The following SUSD3 variants were observed in gnomAD, a reference collection of about 807,000 sequenced individuals.
SUSD3 encodes sushi domain containing 3.
A neutral mutation model predicts 20.6 loss-of-function variants in SUSD3; 18 were observed. The ratio of observed to expected loss-of-function variants is 0.87; its 90% CI spans 0.60 to 1.30. SUSD3 has a LOEUF of 1.30. Ranked by LOEUF, SUSD3 falls within the 50% of genes most tolerant of loss-of-function variation. The pLI is 0.00. For synonymous variants in SUSD3, 137 were observed against 141.5 expected (o/e 0.97, Z 0.23); for missense variants, 306 against 346.9 (o/e 0.88, Z 0.94).
intron 1 of SUSD3, among the ~76,000 whole-genome samples, chr9:93,072,381 G>A (rs1825946160): frequency 1.3e-5 from 2 of 152,192 alleles, no homozygotes; most frequent in South Asian, 4.1e-4. Flanking sequence ...TGCTGCTGGG[G>A]AGTGGGTCAA....
intron 1 of SUSD3, among the ~76,000 whole-genome samples, chr9:93,068,942 A>T (rs981377486): frequency 2.0e-5 from 3 of 152,236 alleles, no homozygotes; most frequent in Non-Finnish European, 4.4e-5. Context: ...TGAAAGATTA[A>T]TGATAACCAG....
intron 1 of SUSD3, among the ~76,000 whole-genome samples, chr9:93,066,122 A>T (rs910723697): frequency 5.3e-5 from 8 of 151,638 alleles, no homozygotes; most frequent in Admixed American, 2.6e-4. Context: ...GGCCCTCCCC[A>T]CTCTGTGTAC....
chr9:93,058,765 T>G lies in SUSD3; in HGVS notation c.23T>G (p.Leu8Arg). 2 of 1,236,938 alleles carry G rather than the reference T, an allele frequency of 1.6e-6. No individual in the cohort carries two copies. The highest frequency in any genetic ancestry group is 2.0e-6 in the Non-Finnish European group (2 of 990,278). 76.6% of individuals were successfully genotyped at this position (1,236,938 alleles called of 1,614,324 possible). MRWAAAT[L>R]RGKARPRGRA... is the part of the protein sequence containing the mutation. ...AGGATGCGCTGGGCGGCCGCCACCC[T>G]CCGTGGCAAGGCGAGGCCCCGGGGG... Residue 8 changes from leucine (L) to arginine (R), a missense_variant, in exon 1 of 5, where the codon CTC (leucine) becomes CGC (arginine). Leu to Arg is a moderately radical substitution (Grantham distance 102). Coordinates refer to ENST00000375472, the MANE Select transcript of SUSD3 (RefSeq NM_145006.4).
intron 2 of SUSD3, 52 bp downstream of exon 2, chr9:93,076,024 A>G (rs773768548): frequency 6.7e-7 from 1 of 1,484,090 alleles, no homozygotes; most frequent in Non-Finnish European, 9.2e-7. Flanking sequence ...GATGGCCCCA[A>G]ATCCTGTCAT....
intron 3 of SUSD3, among the ~76,000 whole-genome samples, chr9:93,079,003 C>T (rs1231587909): frequency 6.6e-6 from 1 of 151,860 alleles, no homozygotes; most frequent in Admixed American, 6.6e-5. Flanking sequence ...GGGGTTTCAC[C>T]GTGTTAGCCA....
intron 3 of SUSD3, 88 bp downstream of exon 3, chr9:93,078,081 C>G: frequency 6.4e-7 from 1 of 1,565,062 alleles, no homozygotes; most frequent in Non-Finnish European, 8.7e-7. Flanking sequence ...TTCAAGGGAA[C>G]CCCGGCACTG....
intron 1 of SUSD3, among the ~76,000 whole-genome samples, chr9:93,063,944 C>T (rs990346353): frequency 6.6e-6 from 1 of 152,156 alleles, no homozygotes; most frequent in Non-Finnish European, 1.5e-5. Flanking sequence ...TATTCCAAAT[C>T]GTTCTATACT....
intron 1 of SUSD3, 73 bp from the exon 2 acceptor site, chr9:93,075,711 G>T: frequency 1.1e-6 from 1 of 916,426 alleles, no homozygotes; most frequent in East Asian, 3.2e-5. Context: ...CTCACTCCAG[G>T]GTCCTGCCCA....
chr9:93,070,010 C>G (rs990814699), intron 1 of SUSD3, among the ~76,000 whole-genome samples: 3 of 152,130 alleles, frequency 2.0e-5, no homozygotes, highest in African/African-American at 7.2e-5. Flanking sequence ...AACTCCTGAC[C>G]TCAAGTGATC....
chr9:93,078,301 G>GGCGACAGAGTACAGTA (rs1333547073), intron 3 of SUSD3, among the ~76,000 whole-genome samples: 2 of 152,134 alleles, frequency 1.3e-5, no homozygotes, highest in Non-Finnish European at 2.9e-5. Flanking sequence ...CTGTCACCCA[G>GGCGACAGAGTACAGTA]GCGACAGAGT....
chr9:93,070,044 G>C (rs1289056857), intron 1 of SUSD3, among the ~76,000 whole-genome samples: 1 of 152,268 alleles, frequency 6.6e-6, no homozygotes, highest in East Asian at 1.9e-4. Context: ...CTCCCAAAGT[G>C]CTGGGATTAC....
chr9:93,075,739 C>A, intron 1 of SUSD3, 45 bp from the exon 2 acceptor site: 1 of 186,002 alleles, frequency 5.4e-6, no homozygotes, highest in Admixed American at 8.2e-5. Flanking sequence ...CCTGCGTGCC[C>A]ACCCCCCCCC....
intron 3 of SUSD3, 140 bp from the exon 4 acceptor site, chr9:93,079,331 C>A: frequency 1.1e-6 from 1 of 874,210 alleles, no homozygotes; most frequent in Non-Finnish European, 1.7e-6. Flanking sequence ...CCAAAAACAT[C>A]CACTGCCCAG....
rs966981605 is a variant in SUSD3 at position 93,075,904 on chromosome 9, C to A, written c.209C>A (p.Ser70Tyr). ...CCCTCCAACCACCAGATGGTGGGGTCTGGGCTCCTCACCTGCACCTGGAAG... is the reference window on the plus strand; with the variant it reads ...CCCTCCAACCACCAGATGGTGGGGTATGGGCTCCTCACCTGCACCTGGAAG... ...RCPSNHQMVG[S>Y]GLLTCTWKGS... The change falls in exon 2 of 5, where the codon TCT becomes TAT. Residue 70 changes from serine (S) to tyrosine (Y), a missense_variant. Physicochemically the swap from Ser to Tyr is moderately radical, Grantham distance 144 (BLOSUM62 -2). Coordinates refer to ENST00000375472, the MANE Select transcript of SUSD3 (RefSeq NM_145006.4). 3 of 1,613,882 alleles carry A rather than the reference C, an allele frequency of 1.9e-6. No homozygotes were observed. The highest frequency in any genetic ancestry group is 1.7e-6 in the Non-Finnish European group (2 of 1,179,952).
chr9:93,060,772 G>T (rs922040533), intron 1 of SUSD3, among the ~76,000 whole-genome samples: 2 of 152,208 alleles, frequency 1.3e-5, no homozygotes, highest in African/African-American at 4.8e-5. Context: ...CAGAGTTCGA[G>T]GCTACAGTGA....
At chr9:93,075,735 T>TTCTCC in intron 1 of SUSD3, 49 bp from the exon 2 acceptor site, 1 of 247,428 alleles carries the variant, frequency 4.0e-6, no homozygotes, top group South Asian at 2.3e-5. Flanking sequence ...CTGCCCTGCG[T>TTCTCC]GCCCACCCCC....
At chr9:93,079,681 C>T in intron 4 of SUSD3, 79 bp downstream of exon 4, 4 of 1,487,200 alleles carry the variant, frequency 2.7e-6, no homozygotes, top group Admixed American at 1.8e-5. Context: ...CCTGCTGCTC[C>T]CACACGCTGA....
At chr9:93,076,030 G>A in intron 2 of SUSD3, 58 bp downstream of exon 2, 1 of 1,465,308 alleles carries the variant, frequency 6.8e-7, no homozygotes, top group Non-Finnish European at 9.3e-7. Context: ...CCCAAATCCT[G>A]TCATGGGGAT....
Position 93,084,721 on chromosome 9 carries a change from C to T in SUSD3, c.742C>T (p.Gln248Ter), listed in dbSNP as rs143100457. The T allele has an allele frequency of 1.8e-4, 280 of 1,587,986 alleles. No homozygotes were observed. Among genetic ancestry groups the T allele is most frequent in the Non-Finnish European group, 2.3e-4 (270 of 1,166,690 alleles). Residue 248 changes from glutamine (Q) to a stop codon, truncating the protein, a stop_gained, in exon 5 of 5, where the codon CAG (glutamine) becomes TAG (stop). Coordinates refer to ENST00000375472, the MANE Select transcript of SUSD3 (RefSeq NM_145006.4). LOFTEE classifies it low-confidence loss of function (END_TRUNC). ...TGGGCTGGCCACAGGAATGCCACAA[C>T]AGCCCGCAGCATATGCCCTAGGGTG... ...ASGLATGMPQQPAAYALG is the reference protein window; with the variant it reads ...ASGLATGMPQ
Sources: gnomAD v4.1 joint callset for allele counts (sites outside exome capture counted in the v4.1 genomes callset) on GRCh38, gnomAD v4.1.1 for gene constraint, MANE v1.5 for transcripts, NCBI Gene and HGNC (gene_info 2026-07-23, HGNC 2026-07-21) for gene names.